The following KIF16B variants were observed in gnomAD, a reference collection of about 807,000 sequenced individuals.
KIF16B encodes the protein kinesin family member 16B.
Under a neutral mutation model 156.3 loss-of-function variants are expected in KIF16B, and 98 were observed. That is an observed-to-expected ratio of 0.63 (90% CI 0.53 to 0.74). KIF16B has a LOEUF of 0.74. KIF16B is among the 30% of genes least tolerant of loss of function. The probability of loss-of-function intolerance (pLI) is 0.00; values close to 1 mark genes in which losing one functional copy is unlikely to be tolerated. For synonymous variants in KIF16B, 564 were observed against 583.7 expected, an observed-to-expected ratio of 0.97 and a Z score of 0.49; for missense variants, 1,421 against 1,606.5, an observed-to-expected ratio of 0.88 and a Z score of 1.97.
chr20:16,485,944 T>C (rs1053323081), intron 12 of KIF16B, among the ~76,000 whole-genome samples: 4 of 152,146 alleles, frequency 2.6e-5, no homozygotes, highest in Non-Finnish European at 5.9e-5. Flanking sequence ...AAGTTATCTT[T>C]GTAAGTAAAT....
intron 23 of KIF16B, among the ~76,000 whole-genome samples, chr20:16,348,005 A>T (rs1467059304): frequency 6.6e-6 from 1 of 152,204 alleles, no homozygotes; most frequent in Admixed American, 6.5e-5. Flanking sequence ...TGAACTCCCA[A>T]ACTGCAATTT....
intron 17 of KIF16B, among the ~76,000 whole-genome samples, chr20:16,392,530 G>A (rs1255570918): frequency 6.6e-6 from 1 of 152,196 alleles, no homozygotes; most frequent in Admixed American, 6.5e-5. Context: ...CTGCCATGAC[G>A]ATACACTGTT....
At chr20:16,342,907 G>A (rs960048035) in intron 23 of KIF16B, among the ~76,000 whole-genome samples, 16 of 152,162 alleles carry the variant, frequency 1.1e-4, no homozygotes, top group Non-Finnish European at 2.1e-4. Flanking sequence ...TCCATGCCCA[G>A]AGCTGAGGAT....
At chr20:16,316,779 G>A (rs1397988137) in intron 24 of KIF16B, among the ~76,000 whole-genome samples, 3 of 152,136 alleles carry the variant, frequency 2.0e-5, no homozygotes, top group Non-Finnish European at 4.4e-5. Flanking sequence ...GCAATTCTCT[G>A]TAGGTTTCAT....
At chr20:16,395,221 G>A (rs1261224067) in intron 17 of KIF16B, among the ~76,000 whole-genome samples, 7 of 40,056 alleles carry the variant, frequency 1.7e-4, no homozygotes, top group Non-Finnish European at 3.1e-4. Context: ...GGGGAGGGGA[G>A]GGGAGAGGAG....
At chr20:16,569,291 T>C (rs1030465032) in intron 1 of KIF16B, among the ~76,000 whole-genome samples, 2 of 152,180 alleles carry the variant, frequency 1.3e-5, no homozygotes, top group African/African-American at 2.4e-5. Context: ...ATCTGTAAAA[T>C]GGCATAACAA....
intron 19 of KIF16B, 110 bp downstream of exon 19, chr20:16,378,695 G>A (rs1600242390): frequency 8.7e-7 from 1 of 1,154,080 alleles, no homozygotes; most frequent in East Asian, 2.5e-5. Flanking sequence ...AGAATATGAA[G>A]GCTAAAAGAA....
chr20:16,526,317 T>TA (rs923834405), intron 2 of KIF16B, 112 bp from the exon 3 acceptor site: 1 of 471,324 alleles, frequency 2.1e-6, no homozygotes, highest in Non-Finnish European at 3.7e-6. Context: ...CTGGCTTCTC[T>TA]AAAAAAATAA....
chr20:16,403,043 T>G (rs149489712), intron 17 of KIF16B, among the ~76,000 whole-genome samples: 1 of 152,196 alleles, frequency 6.6e-6, no homozygotes, highest in Non-Finnish European at 1.5e-5. Context: ...TGAGTGAAGA[T>G]AGCGTTTTGG....
intron 12 of KIF16B, among the ~76,000 whole-genome samples, chr20:16,475,551 A>T (rs1211531227): frequency 6.6e-6 from 1 of 152,240 alleles, no homozygotes; most frequent in Non-Finnish European, 1.5e-5. Context: ...TCTTGGCTCC[A>T]CAGATCAGCC....
intron 18 of KIF16B, among the ~76,000 whole-genome samples, chr20:16,380,672 A>T (rs183735983): frequency 2.0e-5 from 3 of 152,220 alleles, no homozygotes; most frequent in African/African-American, 7.2e-5. Context: ...TTTAATCACT[A>T]GTTTGGGACA....
intron 1 of KIF16B, among the ~76,000 whole-genome samples, chr20:16,566,308 G>A (rs1489401417): frequency 4.6e-5 from 7 of 152,176 alleles, no homozygotes; most frequent in Admixed American, 1.3e-4. Flanking sequence ...TCAGTCTTGC[G>A]TCACGGAGTG....
Position 16,380,024 on chromosome 20 carries a change from G to C in KIF16B, c.1978C>G (p.Arg660Gly). 6.3e-7 allele frequency: 1 copy of C among 1,596,336 alleles called. No individual in the cohort carries two copies. Among genetic ancestry groups the C allele is most frequent in the South Asian group, 1.1e-5 (1 of 87,574 alleles). Residue 660 changes from arginine (R) to glycine (G), a missense_variant, in exon 19 of 26, where the codon CGC becomes GGC. Arg to Gly is a moderately radical substitution (Grantham distance 125, BLOSUM62 -2). Coordinates refer to ENST00000354981, the MANE Select transcript of KIF16B (RefSeq NM_024704.5). The stretch of plus-strand genomic sequence containing the variant: ...TTGTTCTCGATGTGGAAGCTGCGGC[G>C]TTTGAGGCTCTCCTCCTGCTTGCGA... ...QIRKQEESLKRRSFHIENKLK... is the reference protein window; with the variant it reads ...QIRKQEESLKGRSFHIENKLK...
At chr20:16,524,342 A>G (rs910516957) in intron 3 of KIF16B, among the ~76,000 whole-genome samples, 3 of 152,060 alleles carry the variant, frequency 2.0e-5, no homozygotes, top group African/African-American at 7.2e-5. Context: ...AAAACAAACA[A>G]CCCCATCAAA....
intron 1 of KIF16B, among the ~76,000 whole-genome samples, chr20:16,535,986 G>C (rs1252146125): frequency 6.6e-6 from 1 of 151,960 alleles, no homozygotes; most frequent in African/African-American, 2.4e-5. Flanking sequence ...CTGACTACTG[G>C]GTATTTATCC....
intron 24 of KIF16B, among the ~76,000 whole-genome samples, chr20:16,332,701 T>C (rs1378931053): frequency 6.6e-6 from 1 of 152,182 alleles, no homozygotes; most frequent in African/African-American, 2.4e-5. Flanking sequence ...GTCTGAAGAC[T>C]GAAACTTAGC....
intron 12 of KIF16B, among the ~76,000 whole-genome samples, chr20:16,430,479 T>C (rs1240451224): frequency 6.6e-6 from 1 of 152,120 alleles, no homozygotes; most frequent in Non-Finnish European, 1.5e-5. Context: ...TTCCCTGCTA[T>C]ACATTAATAT....
chr20:16,356,566 A>T (rs2064447650), intron 22 of KIF16B, 114 bp from the exon 23 acceptor site: 3 of 1,137,476 alleles, frequency 2.6e-6, no homozygotes, highest in Non-Finnish European at 3.8e-6. Flanking sequence ...AAAGAGCATC[A>T]AACCAGTAGG....
Position 16,493,408 on chromosome 20 carries a change from G to T in KIF16B, c.1302+883C>A, listed in dbSNP as rs537341479. 2.6e-5 allele frequency among the ~76,000 whole-genome samples: 4 copies of T among 152,316 alleles called. No homozygotes were observed. The South Asian group carries it at 8.3e-4, about 32-fold the overall frequency. Reference sequence around the variant, plus strand: ...GTTTACCCTGTGAAACAGTAATTAGGTGTGCCATTCTCACATGAAGGTGAT... The same window carrying T: ...GTTTACCCTGTGAAACAGTAATTAGTTGTGCCATTCTCACATGAAGGTGAT... On this transcript the variant is annotated intron_variant, in intron 12 of 25. Transcript: ENST00000354981.
Sources: allele counts gnomAD v4.1 joint callset (sites outside exome capture counted in the v4.1 genomes callset), GRCh38; gene constraint gnomAD v4.1.1; transcripts MANE v1.5; gene names NCBI Gene and HGNC (gene_info 2026-07-23, HGNC 2026-07-21).